PAPPA: variants seen among roughly 807,000 people sequenced by gnomAD.
PAPPA encodes the protein pappalysin 1, also known as pappalysin-1.
PAPPA carries 60 observed loss-of-function variants against 164.0 expected under a neutral mutation model. The ratio of observed to expected loss-of-function variants is 0.37; its 90% CI spans 0.30 to 0.45. The LOEUF (loss-of-function observed/expected upper bound fraction) is 0.45, where lower values mean the gene tolerates loss of function less well. Among genes scored for constraint, PAPPA ranks in the 20% least tolerant of loss-of-function variants. The pLI is 1.00. For missense variants in PAPPA, 1,782 were observed against 2,087.3 expected (o/e 0.85, Z 2.85); for synonymous variants, 875 against 814.1 (o/e 1.07, Z -1.27).
At chr9:116,282,977 A>G (rs766665578) in intron 9 of PAPPA, among the ~76,000 whole-genome samples, 2 of 152,230 alleles carry the variant, frequency 1.3e-5, no homozygotes, top group Non-Finnish European at 2.9e-5. Flanking sequence ...AGAAATTATA[A>G]TAATTATTAA....
At chr9:116,156,113 T>C (rs1240537709) in intron 1 of PAPPA, among the ~76,000 whole-genome samples, 2 of 151,028 alleles carry the variant, frequency 1.3e-5, no homozygotes, top group African/African-American at 2.4e-5. Context: ...GAGGTGATTT[T>C]TTTTTTTTTT....
intron 9 of PAPPA, among the ~76,000 whole-genome samples, chr9:116,290,738 A>G (rs879699698): frequency 8.0e-5 from 12 of 150,230 alleles, no homozygotes; most frequent in Non-Finnish European, 1.2e-4. Context: ...TCACACTAAA[A>G]CTGCTGAAAC....
rs754887580 is a variant in PAPPA at position 116,265,843 on chromosome 9, T to A, written c.2733-14T>A. 1 of 1,585,110 alleles carries A rather than the reference T, an allele frequency of 6.3e-7. No individual in the cohort carries two copies. Among genetic ancestry groups the A allele is most frequent in the South Asian group, 1.1e-5 (1 of 89,476 alleles). ...ATTGTAATTGTATAATTATGTCTTCTTTGTATTTTCCAGGGATCTAAATCT... is the reference window on the plus strand; with the variant it reads ...ATTGTAATTGTATAATTATGTCTTCATTGTATTTTCCAGGGATCTAAATCT... On this transcript the variant is annotated splice_polypyrimidine_tract_variant and intron_variant, in intron 7 of 21. Coordinates refer to ENST00000328252, the MANE Select transcript of PAPPA (RefSeq NM_002581.5).
chr9:116,154,491 C>A lies in PAPPA; in HGVS notation c.319C>A (p.Arg107Ser), dbSNP rs1315733828. The A allele has an allele frequency of 6.9e-6, 9 of 1,312,366 alleles. No homozygotes were observed. The highest frequency in any genetic ancestry group is 8.7e-6 in the Non-Finnish European group (9 of 1,029,380). The allele number at this position is 1,312,366 out of a possible 1,614,324, so 81.3% of individuals were successfully genotyped here. ...LYFSGRGEQL[R>S]LRADLELPRD... is the part of the protein sequence containing the mutation. Reference sequence around the variant, plus strand: ...TTTCAGCGGGCGAGGCGAGCAGCTGCGCCTCCGGGCCGACCTCGAGCTGCC... The same window carrying A: ...TTTCAGCGGGCGAGGCGAGCAGCTGAGCCTCCGGGCCGACCTCGAGCTGCC... Residue 107 changes from arginine (R) to serine (S), a missense_variant, in exon 1 of 22, where the codon CGC (arginine) becomes AGC (serine). Physicochemically the swap from Arg to Ser is moderately radical, Grantham distance 110. Transcript: ENST00000328252. This position sits in a 1 kb window ranked among gnomAD's most constrained non-coding sequence, Gnocchi z 5.2.
At chr9:116,248,133 A>T (rs1179257355) in intron 7 of PAPPA, among the ~76,000 whole-genome samples, 1 of 152,240 alleles carries the variant, frequency 6.6e-6, no homozygotes, top group Non-Finnish European at 1.5e-5. Context: ...AGACACACAC[A>T]CATCAAGCAG....
intron 18 of PAPPA, among the ~76,000 whole-genome samples, chr9:116,367,260 A>C (rs1846513157): frequency 6.6e-6 from 1 of 152,200 alleles, no homozygotes; most frequent in East Asian, 1.9e-4. Context: ...AGTCCGGTTG[A>C]ACCAACCAAA....
At position 116,193,570 on chromosome 9, in the gene PAPPA, G is replaced by T. The variant is rs1488339503; in HGVS notation, c.1478+5354G>T. Among the ~76,000 whole-genome samples, 2 of 152,088 alleles carry T rather than the reference G, an allele frequency of 1.3e-5. 1 individual carries two copies. The highest frequency in any genetic ancestry group is 4.8e-5 in the African/African-American group (2 of 41,418). On this transcript the variant is annotated intron_variant, in intron 2 of 21. Coordinates refer to ENST00000328252, the MANE Select transcript of PAPPA (RefSeq NM_002581.5). ...GGCTGAGCTGCGATGGAGACCCAGGGTCTCACTTCCTACTCCCATGCTTTT... is the reference window on the plus strand; with the variant it reads ...GGCTGAGCTGCGATGGAGACCCAGGTTCTCACTTCCTACTCCCATGCTTTT...
At chr9:116,265,161 A>T (rs1041970954) in intron 7 of PAPPA, among the ~76,000 whole-genome samples, 1 of 152,196 alleles carries the variant, frequency 6.6e-6, no homozygotes, top group Non-Finnish European at 1.5e-5. Flanking sequence ...TTACCTTCCT[A>T]TGCCTCAGAT....
intron 10 of PAPPA, among the ~76,000 whole-genome samples, chr9:116,326,066 C>G (rs978168268): frequency 1.3e-5 from 2 of 152,056 alleles, no homozygotes; most frequent in Admixed American, 6.6e-5. Context: ...CTCTCTCTCT[C>G]TGACTGTTGG....
At chr9:116,218,507 C>A (rs1016106244) in intron 4 of PAPPA, among the ~76,000 whole-genome samples, 1 of 152,094 alleles carries the variant, frequency 6.6e-6, no homozygotes, top group African/African-American at 2.4e-5. Flanking sequence ...AGTGCATTGC[C>A]CTGTCCCTAG....
At chr9:116,213,655 C>G (rs1207160812) in intron 4 of PAPPA, among the ~76,000 whole-genome samples, 1 of 152,128 alleles carries the variant, frequency 6.6e-6, no homozygotes, top group Non-Finnish European at 1.5e-5. Context: ...TACCAGACCC[C>G]CATAAACTAA....
chr9:116,369,784 C>T (rs1389385921), intron 19 of PAPPA, among the ~76,000 whole-genome samples: 2 of 150,624 alleles, frequency 1.3e-5, no homozygotes, highest in African/African-American at 4.9e-5. Flanking sequence ...TGCCTGCCTG[C>T]CCCATCCCCC....
chr9:116,321,518 G>A (rs1845856104), intron 10 of PAPPA, among the ~76,000 whole-genome samples: 1 of 152,148 alleles, frequency 6.6e-6, no homozygotes. Context: ...GGATTTAGAG[G>A]CCTACCTTCA....
intron 12 of PAPPA, among the ~76,000 whole-genome samples, chr9:116,334,529 A>C (rs1846034815): frequency 1.3e-5 from 2 of 152,072 alleles, no homozygotes; most frequent in African/African-American, 4.8e-5. Flanking sequence ...AACTCAGACC[A>C]ACAAGCCCTA....
rs561527103 is a variant in PAPPA, at chr9:116,193,350, G to A, written c.1478+5134G>A. Among the ~76,000 whole-genome samples the A allele has an allele frequency of 5.9e-5, 9 of 152,210 alleles. No individual in the cohort carries two copies. The South Asian group carries it at 1.9e-3, about 32-fold the overall frequency. ...ACTGAATGATTTGTCCTCTCTGGGT[G>A]GGGTTTCCTACTTAATTTCTGATTT... On this transcript the variant is annotated intron_variant, in intron 2 of 21. Transcript: ENST00000328252.
intron 9 of PAPPA, among the ~76,000 whole-genome samples, chr9:116,272,583 C>T (rs966118622): frequency 2.0e-5 from 3 of 152,060 alleles, no homozygotes; most frequent in Non-Finnish European, 4.4e-5. Flanking sequence ...TTCTTGGCAC[C>T]CAGTAGGGGT....
At chr9:116,304,439 A>T (rs1381502294) in intron 10 of PAPPA, among the ~76,000 whole-genome samples, 1 of 152,268 alleles carries the variant, frequency 6.6e-6, no homozygotes, top group Non-Finnish European at 1.5e-5. Flanking sequence ...GGGGCCAGCA[A>T]GAGAACAAGG....
intron 1 of PAPPA, among the ~76,000 whole-genome samples, chr9:116,159,967 T>G (rs1036055815): frequency 6.6e-6 from 1 of 152,184 alleles, no homozygotes; most frequent in African/African-American, 2.4e-5. Flanking sequence ...GCACTTCCCA[T>G]TCCTGGCTGC....
intron 6 of PAPPA, 143 bp from the exon 7 acceptor site, chr9:116,234,996 C>A (rs1283475264): frequency 9.9e-6 from 8 of 808,706 alleles, no homozygotes; most frequent in Non-Finnish European, 1.6e-5. Flanking sequence ...AGCAGATTCA[C>A]CAAGGCACCA....
Sources: gnomAD v4.1 joint callset for allele counts (sites outside exome capture counted in the v4.1 genomes callset) on GRCh38, gnomAD v4.1.1 for gene constraint, Gnocchi (gnomAD v3.1) non-coding constraint, MANE v1.5 for transcripts, NCBI Gene and HGNC (gene_info 2026-07-23, HGNC 2026-07-21) for gene names.